Variants in MARK1 observed in about 807,000 individuals in gnomAD.
MARK1 encodes serine/threonine-protein kinase MARK1.
MARK1 carries 40 observed loss-of-function variants against 96.3 expected under a neutral mutation model. The ratio of observed to expected loss-of-function variants is 0.42; its 90% CI spans 0.32 to 0.54. MARK1 has a LOEUF of 0.54. MARK1 is among the 20% of genes least tolerant of loss of function. The pLI, the probability that MARK1 is intolerant of heterozygous loss-of-function variation, is 0.16. For missense variants in MARK1, 719 were observed against 984.6 expected (o/e 0.73, Z 3.61); for synonymous variants, 317 against 341.2 (o/e 0.93, Z 0.78).
chr1:220,596,817 T>C (rs1572147849), intron 3 of MARK1, among the ~76,000 whole-genome samples: 3 of 152,216 alleles, frequency 2.0e-5, no homozygotes, highest in Admixed American at 1.3e-4. Context: ...AGAATGTTTT[T>C]CGTCTTCCAA....
At chr1:220,567,167 G>C (rs938731225) in intron 1 of MARK1, among the ~76,000 whole-genome samples, 5 of 152,054 alleles carry the variant, frequency 3.3e-5, no homozygotes, top group African/African-American at 1.2e-4. Flanking sequence ...ATCACTATAT[G>C]AAGATTTTAT....
At chr1:220,544,883 C>T (rs1285131259) in intron 1 of MARK1, among the ~76,000 whole-genome samples, 2 of 152,156 alleles carry the variant, frequency 1.3e-5, no homozygotes, top group African/African-American at 4.8e-5. Flanking sequence ...CTTTTCTATT[C>T]GCTTCATCAC....
intron 1 of MARK1, among the ~76,000 whole-genome samples, chr1:220,574,185 T>G (rs1240678465): frequency 6.6e-6 from 1 of 152,248 alleles, no homozygotes; most frequent in African/African-American, 2.4e-5. Flanking sequence ...AATTATCTTC[T>G]GAACTGTTGG....
At chr1:220,586,078 C>T (rs1285993396) in intron 3 of MARK1, among the ~76,000 whole-genome samples, 1 of 151,934 alleles carries the variant, frequency 6.6e-6, no homozygotes, top group Non-Finnish European at 1.5e-5. Context: ...GTCAAGGATG[C>T]AAAATACGTC....
At chr1:220,571,827 A>C (rs1663485513) in intron 1 of MARK1, 1 of 151,806 alleles carries the variant, frequency 6.6e-6, no homozygotes, top group African/African-American at 2.4e-5. Context: ...GGGTGTTTTT[A>C]CCTGCTCTGT....
At chr1:220,549,883 T>C (rs1039971674) in intron 1 of MARK1, among the ~76,000 whole-genome samples, 2 of 152,266 alleles carry the variant, frequency 1.3e-5, no homozygotes, top group African/African-American at 4.8e-5. Flanking sequence ...GGTAGGCTTA[T>C]ATAATATACT....
intron 1 of MARK1, among the ~76,000 whole-genome samples, chr1:220,577,786 G>A (rs1663969634): frequency 6.6e-6 from 1 of 152,170 alleles, no homozygotes; most frequent in Non-Finnish European, 1.5e-5. Context: ...AGGGTGGTGG[G>A]AGACAGACGA....
intron 1 of MARK1, among the ~76,000 whole-genome samples, chr1:220,543,181 T>C (rs1661260870): frequency 6.6e-6 from 1 of 152,216 alleles, no homozygotes; most frequent in African/African-American, 2.4e-5. Context: ...CAAGCAGTTG[T>C]CCACTGCTTC....
intron 13 of MARK1, among the ~76,000 whole-genome samples, chr1:220,649,522 A>G (rs1242596968): frequency 6.6e-6 from 1 of 152,100 alleles, no homozygotes; most frequent in East Asian, 1.9e-4. Flanking sequence ...AGCCATCACA[A>G]TTGGCCTACA....
rs1246892219 is a variant in MARK1, at chr1:220,654,584, A to G, written c.1988+1232A>G. 6.6e-6 allele frequency among the ~76,000 whole-genome samples: 1 copy of G among 152,200 alleles called. No individual in the cohort carries two copies. Among genetic ancestry groups the G allele is most frequent in the Non-Finnish European group, 1.5e-5 (1 of 68,034 alleles). On this transcript the variant is annotated intron_variant, in intron 16 of 17. Coordinates refer to ENST00000366917, the MANE Select transcript of MARK1 (RefSeq NM_018650.5). The surrounding 1 kb of genome is among the most constrained non-coding windows in gnomAD (Gnocchi z 4.0). ...ATGAAACTTGCTAGAGAAAGAACTAAAAGTTCACCAACAGAGTCAGCATGG... is the reference window on the plus strand; with the variant it reads ...ATGAAACTTGCTAGAGAAAGAACTAGAAGTTCACCAACAGAGTCAGCATGG...
rs113609164 is a variant in MARK1, at chr1:220,608,690, A to T, written c.495+4553A>T. 1.9e-4 allele frequency among the ~76,000 whole-genome samples: 29 copies of T among 152,258 alleles called. 1 individual carries two copies. Among genetic ancestry groups the T allele is most frequent in the African/African-American group, 7.0e-4 (29 of 41,556 alleles). On this transcript the variant is annotated intron_variant, in intron 6 of 17. Coordinates refer to ENST00000366917, the MANE Select transcript of MARK1 (RefSeq NM_018650.5). ...ATCTTTCATGCTTTCTCTTGTGGGC[A>T]TTTAGTGCTACACATTCCCTCTACA... is the stretch of plus-strand genomic sequence containing the variant.
At position 220,652,109 on chromosome 1, in the gene MARK1, A is replaced by G; in HGVS notation, c.1695A>G (p.Thr565=). The G allele has an allele frequency of 6.2e-7, 1 of 1,613,156 alleles. No homozygotes were observed. The highest frequency in any genetic ancestry group is 8.5e-7 in the Non-Finnish European group (1 of 1,179,280). The part of the protein sequence containing the change: ...MSTSGHPIKV[T]LPTIKDGSEA... ...CTTCTGGTCATCCTATTAAAGTCAC[A>G]CTGCCAACCATTAAAGACGGCTCTG... Residue 565 remains threonine, a synonymous_variant, in exon 15 of 18, where the codon ACA becomes ACG. Coordinates refer to ENST00000366917, the MANE Select transcript of MARK1 (RefSeq NM_018650.5).
At chr1:220,582,431 G>A (rs1386768255) in intron 3 of MARK1, among the ~76,000 whole-genome samples, 1 of 152,150 alleles carries the variant, frequency 6.6e-6, no homozygotes, top group Non-Finnish European at 1.5e-5. Flanking sequence ...TTACTGGGCT[G>A]GAACCACAGT....
chr1:220,619,210 C>CA (rs1666923712), intron 9 of MARK1, among the ~76,000 whole-genome samples: 2 of 152,188 alleles, frequency 1.3e-5, no homozygotes, highest in South Asian at 4.1e-4. Context: ...CACGGTGGCT[C>CA]ACGCCTGTAA....
At chr1:220,638,843 A>G (rs3820347) in intron 13 of MARK1, among the ~76,000 whole-genome samples, 88,032 of 152,028 alleles carry the variant, frequency 0.58, 26,973 homozygotes, top group Non-Finnish European at 0.68. Flanking sequence ...TTTCTAAAGT[A>G]AAATTAATCA....
intron 9 of MARK1, among the ~76,000 whole-genome samples, chr1:220,623,786 A>T (rs979135525): frequency 1.3e-5 from 2 of 152,096 alleles, no homozygotes; most frequent in Admixed American, 1.3e-4. Flanking sequence ...CTTTCATTGT[A>T]TACAATCTGT....
intron 13 of MARK1, among the ~76,000 whole-genome samples, chr1:220,637,298 G>A (rs1200581147): frequency 2.0e-5 from 3 of 152,170 alleles, no homozygotes; most frequent in African/African-American, 7.2e-5. Context: ...ATAGTATCCA[G>A]GGCATAAGGA....
At chr1:220,652,893 C>T (rs1434254759) in intron 15 of MARK1, among the ~76,000 whole-genome samples, 1 of 152,162 alleles carries the variant, frequency 6.6e-6, no homozygotes, top group African/African-American at 2.4e-5. Flanking sequence ...GTCCCTGTTT[C>T]AGTCATTTCT....
intron 1 of MARK1, among the ~76,000 whole-genome samples, chr1:220,579,017 G>GT (rs1664050946): frequency 6.6e-6 from 1 of 151,816 alleles, no homozygotes; most frequent in South Asian, 2.1e-4. Flanking sequence ...TAATTTTTGT[G>GT]TTTTTGTAGA....
Sources: allele counts gnomAD v4.1 joint callset (sites outside exome capture counted in the v4.1 genomes callset), GRCh38; gene constraint gnomAD v4.1.1; non-coding constraint Gnocchi (gnomAD v3.1); transcripts MANE v1.5; gene names NCBI Gene and HGNC (gene_info 2026-07-23, HGNC 2026-07-21).